Variants in LUZP2 observed in about 807,000 individuals in gnomAD.
The protein encoded by LUZP2 is leucine zipper protein 2.
LUZP2 carries 52 observed loss-of-function variants against 51.6 expected under a neutral mutation model. The observed-to-expected ratio is 1.01, with a 90% CI of 0.81 to 1.27. The LOEUF (loss-of-function observed/expected upper bound fraction) is 1.27, where lower values mean the gene tolerates loss of function less well. Among genes scored for constraint, LUZP2 ranks in the 50% most tolerant of loss-of-function variants. The pLI is 0.00. For missense variants in LUZP2, 436 were observed against 395.4 expected, an observed-to-expected ratio of 1.10 and a Z score of -0.87; for synonymous variants, 154 against 137.3, an observed-to-expected ratio of 1.12 and a Z score of -0.85.
intron 7 of LUZP2, among the ~76,000 whole-genome samples, chr11:24,950,800 T>A (rs1855052977): frequency 6.6e-6 from 1 of 151,616 alleles, no homozygotes. Context: ...AATATTTTAG[T>A]ACTTTTTTTT....
At chr11:25,006,757 T>C (rs1430927099) in intron 9 of LUZP2, among the ~76,000 whole-genome samples, 2 of 152,170 alleles carry the variant, frequency 1.3e-5, no homozygotes, top group Non-Finnish European at 2.9e-5. Flanking sequence ...ATTCTTGGTC[T>C]CGCTAACTTC....
chr11:24,981,250 G>T (rs1254006500), intron 8 of LUZP2, among the ~76,000 whole-genome samples: 1 of 151,842 alleles, frequency 6.6e-6, no homozygotes. Context: ...AGTAGGTAAG[G>T]GGTGGGCAAT....
chr11:25,073,110 G>A (rs952783004), intron 10 of LUZP2, among the ~76,000 whole-genome samples: 2 of 152,092 alleles, frequency 1.3e-5, no homozygotes, highest in African/African-American at 4.8e-5. Flanking sequence ...AGGATACAGA[G>A]GCAGAACAAT....
At chr11:25,026,321 A>T (rs1443805084) in intron 9 of LUZP2, among the ~76,000 whole-genome samples, 1 of 152,078 alleles carries the variant, frequency 6.6e-6, no homozygotes, top group African/African-American at 2.4e-5. Flanking sequence ...ATAAAATAAG[A>T]TGAAAAGCAA....
At chr11:25,047,531 C>A (rs923593645) in intron 9 of LUZP2, among the ~76,000 whole-genome samples, 1 of 151,912 alleles carries the variant, frequency 6.6e-6, no homozygotes, top group African/African-American at 2.4e-5. Flanking sequence ...TAAAAACATA[C>A]CTTTTCTTCA....
intron 5 of LUZP2, among the ~76,000 whole-genome samples, chr11:24,826,306 A>G (rs1006805353): frequency 2.0e-5 from 3 of 150,482 alleles, no homozygotes; most frequent in Non-Finnish European, 3.0e-5. Flanking sequence ...ATTGTCTTAT[A>G]GATCTTGACT....
At chr11:24,784,491 T>C (rs1290849897) in intron 5 of LUZP2, among the ~76,000 whole-genome samples, 1 of 152,064 alleles carries the variant, frequency 6.6e-6, no homozygotes, top group African/African-American at 2.4e-5. Flanking sequence ...TGCTTATTGA[T>C]TCTGTCACAA....
chr11:24,968,219 AG>A (rs1200336048), intron 7 of LUZP2, among the ~76,000 whole-genome samples: 1 of 152,070 alleles, frequency 6.6e-6, no homozygotes, highest in African/African-American at 2.4e-5. Context: ...ATTCTAGGGC[AG>A]GGATCAAAAA....
intron 1 of LUZP2, among the ~76,000 whole-genome samples, chr11:24,568,785 C>T (rs1852331567): frequency 6.6e-6 from 1 of 151,916 alleles, no homozygotes; most frequent in South Asian, 2.1e-4. Flanking sequence ...TATATAAATT[C>T]AGCTGGAGGG....
intron 1 of LUZP2, among the ~76,000 whole-genome samples, chr11:24,675,496 G>GC (rs374659173): frequency 1.4e-4 from 21 of 152,242 alleles, no homozygotes; most frequent in African/African-American, 4.8e-4. Context: ...CAGAAAATTA[G>GC]CTTGCCATAG....
At chr11:24,578,991 T>A (rs1210866061) in intron 1 of LUZP2, among the ~76,000 whole-genome samples, 1 of 152,100 alleles carries the variant, frequency 6.6e-6, no homozygotes, top group African/African-American at 2.4e-5. Flanking sequence ...GAAATTGTAA[T>A]CTTTATAGAA....
At chr11:24,892,410 T>A in intron 5 of LUZP2, 1 of 981,680 alleles carries the variant, frequency 1.0e-6, no homozygotes. Context: ...GATGTCTCGA[T>A]TAGCACTTAT....
intron 5 of LUZP2, among the ~76,000 whole-genome samples, chr11:24,861,168 A>C (rs757002294): frequency 1.3e-5 from 2 of 152,214 alleles, no homozygotes; most frequent in Admixed American, 1.3e-4. Context: ...TACAAGTATC[A>C]ACAGACAAAT....
At chr11:24,562,957 A>G (rs574122473) in intron 1 of LUZP2, among the ~76,000 whole-genome samples, 1 of 152,160 alleles carries the variant, frequency 6.6e-6, no homozygotes, top group Non-Finnish European at 1.5e-5. Context: ...CCTAGGAAGT[A>G]GATAAGCAAC....
intron 8 of LUZP2, among the ~76,000 whole-genome samples, 192 bp from the exon 9 acceptor site, chr11:24,982,934 C>A (rs142841552): frequency 2.0e-5 from 3 of 151,760 alleles, no homozygotes; most frequent in African/African-American, 7.2e-5. Context: ...TCATGAAATG[C>A]ATTAGCTCCT....
chr11:24,824,366 CAAA>C (rs3078050), intron 5 of LUZP2, among the ~76,000 whole-genome samples: 9 of 27,576 alleles, frequency 3.3e-4, no homozygotes, highest in African/African-American at 7.6e-4. Context: ...AACCCCATCT[CAAA>C]AAAAAAAAAA....
At chr11:24,877,098 G>T (rs535802725) in intron 5 of LUZP2, among the ~76,000 whole-genome samples, 1 of 152,052 alleles carries the variant, frequency 6.6e-6, no homozygotes, top group African/African-American at 2.4e-5. Context: ...AAATATCCAG[G>T]ATTAGAAATA....
intron 7 of LUZP2, among the ~76,000 whole-genome samples, chr11:24,926,012 A>T (rs1026362060): frequency 2.0e-5 from 3 of 151,824 alleles, no homozygotes; most frequent in African/African-American, 7.3e-5. Flanking sequence ...TTCCTGAGTT[A>T]CTTCACTTAG....
chr11:24,828,030 AACAC>A (rs10589505), intron 5 of LUZP2, among the ~76,000 whole-genome samples: 19 of 150,714 alleles, frequency 1.3e-4, no homozygotes, highest in Non-Finnish European at 1.8e-4. Flanking sequence ...CTTTAGGAGA[AACAC>A]ACACACACAC....
Sources: allele counts gnomAD v4.1 joint callset (sites outside exome capture counted in the v4.1 genomes callset), GRCh38; gene constraint gnomAD v4.1.1; transcripts MANE v1.5; gene names NCBI Gene and HGNC (gene_info 2026-07-23, HGNC 2026-07-21).